The following BACH2 variants were observed in gnomAD, a reference collection of about 807,000 sequenced individuals.
The protein encoded by BACH2 is transcription regulator protein BACH2.
Under a neutral mutation model 61.8 loss-of-function variants are expected in BACH2, and 5 were observed. That is an observed-to-expected ratio of 0.08 (90% CI 0.04 to 0.17). The LOEUF (loss-of-function observed/expected upper bound fraction) is 0.17. Ranked by LOEUF, BACH2 falls within the 10% of genes least tolerant of loss-of-function variation. The pLI is 1.00. For synonymous variants in BACH2, 446 were observed against 440.1 expected (o/e 1.01, Z -0.17); for missense variants, 824 against 1,091.1 (o/e 0.76, Z 3.45).
At chr6:89,989,482 C>CGA (rs373636040) in intron 6 of BACH2, among the ~76,000 whole-genome samples, 1 of 151,880 alleles carries the variant, frequency 6.6e-6, no homozygotes, top group South Asian at 2.1e-4. Flanking sequence ...GCATACAGAG[C>CGA]GAGAGAGAGA....
At chr6:90,173,261 AAAC>A (rs1362060014) in intron 4 of BACH2, among the ~76,000 whole-genome samples, 4 of 152,182 alleles carry the variant, frequency 2.6e-5, no homozygotes, top group Non-Finnish European at 5.9e-5. Context: ...GTAATCTGCT[AAAC>A]AACATACATC....
At chr6:90,165,544 T>C (rs1413378494) in intron 4 of BACH2, among the ~76,000 whole-genome samples, 55 of 152,042 alleles carry the variant, frequency 3.6e-4, no homozygotes, top group Admixed American at 2.6e-3. Context: ...CTTCACAGAA[T>C]TGGAAAAAAC....
At position 90,167,179 on chromosome 6, in the gene BACH2, T is replaced by C. The variant is rs145556287; in HGVS notation, c.-162+39390A>G. On this transcript the variant is annotated intron_variant, in intron 4 of 8. Transcript: ENST00000257749. ...TGATGTCAACTCCTATTTGTATCATTTGCCTCTTCCTCACAGAGGTAGAGT... is the reference window on the plus strand; with the variant it reads ...TGATGTCAACTCCTATTTGTATCATCTGCCTCTTCCTCACAGAGGTAGAGT... Among the ~76,000 whole-genome samples the C allele has an allele frequency of 2.8e-3, 430 of 152,300 alleles. 2 individuals carry two copies. Among genetic ancestry groups the C allele is most frequent in the Non-Finnish European group, 4.6e-3 (313 of 68,026 alleles).
intron 5 of BACH2, among the ~76,000 whole-genome samples, chr6:90,020,695 C>T (rs928234627): frequency 5.9e-5 from 9 of 152,158 alleles, no homozygotes; most frequent in African/African-American, 2.2e-4. Context: ...CTGCTTTTGA[C>T]TGGCCAATGC....
Position 90,090,220 on chromosome 6 carries a change from T to A in BACH2, c.-161-1111A>T, listed in dbSNP as rs960221231. Among the ~76,000 whole-genome samples the A allele has an allele frequency of 3.3e-5, 5 of 152,290 alleles. No individual in the cohort carries two copies. The East Asian group carries it at 9.7e-4, about 29-fold the overall frequency. On this transcript the variant is annotated intron_variant, in intron 4 of 8. Coordinates refer to ENST00000257749, the MANE Select transcript of BACH2 (RefSeq NM_021813.4). ...GTGTATTATACCCCATAGAAATACA[T>A]CTTATGTATTTATTTCCCTCATTTT...
intron 4 of BACH2, among the ~76,000 whole-genome samples, chr6:90,096,142 T>C (rs185291328): frequency 2.0e-4 from 31 of 152,360 alleles, no homozygotes; most frequent in Non-Finnish European, 4.1e-4. Flanking sequence ...TAACTATTTG[T>C]ATGAAGAGTT....
At chr6:90,245,450 C>A (rs1386092272) in intron 3 of BACH2, among the ~76,000 whole-genome samples, 5 of 152,084 alleles carry the variant, frequency 3.3e-5, no homozygotes, top group African/African-American at 1.2e-4. Context: ...AAAAAATTAT[C>A]CAGGTGTTGT....
chr6:89,956,403 G>C (rs1447060336), intron 6 of BACH2, among the ~76,000 whole-genome samples: 1 of 152,150 alleles, frequency 6.6e-6, no homozygotes, highest in East Asian at 1.9e-4. Context: ...GTTCAACCCT[G>C]AAAGAAATAA....
chr6:90,068,508 C>T (rs1419336624), intron 5 of BACH2, among the ~76,000 whole-genome samples: 2 of 152,162 alleles, frequency 1.3e-5, no homozygotes, highest in Non-Finnish European at 2.9e-5. Context: ...CCCATGGAGA[C>T]GCTGAGGCCC....
intron 2 of BACH2, among the ~76,000 whole-genome samples, chr6:90,265,691 A>T (rs1359669715): frequency 6.6e-6 from 1 of 152,182 alleles, no homozygotes. Context: ...ACTGCAAGGT[A>T]AGGTACCTTT....
intron 1 of BACH2, among the ~76,000 whole-genome samples, 160 bp downstream of exon 1, chr6:90,296,320 C>T (rs1304607838): frequency 3.3e-5 from 5 of 151,434 alleles, no homozygotes; most frequent in Non-Finnish European, 5.9e-5. Flanking sequence ...TAAAAGCGGG[C>T]AGGGCGCGGG....
chr6:90,075,395 C>G (rs989715136), intron 5 of BACH2, among the ~76,000 whole-genome samples: 1 of 152,120 alleles, frequency 6.6e-6, no homozygotes, highest in African/African-American at 2.4e-5. Context: ...GAATCATAAA[C>G]TAAAAGCGTT....
chr6:90,224,839 C>T (rs1271528660), intron 3 of BACH2, among the ~76,000 whole-genome samples: 1 of 152,178 alleles, frequency 6.6e-6, no homozygotes, highest in African/African-American at 2.4e-5. Context: ...CATTCCCAAA[C>T]TTCAGCCCAG....
chr6:90,148,726 A>G (rs1248693208), intron 4 of BACH2, among the ~76,000 whole-genome samples: 1 of 152,238 alleles, frequency 6.6e-6, no homozygotes, highest in Non-Finnish European at 1.5e-5. Flanking sequence ...ACCTACAGTC[A>G]GGACTGTAAG....
At chr6:90,141,039 G>A (rs765991336) in intron 4 of BACH2, among the ~76,000 whole-genome samples, 8 of 152,144 alleles carry the variant, frequency 5.3e-5, no homozygotes, top group African/African-American at 2.4e-5. Flanking sequence ...ATAGATGCTA[G>A]TCCACAAATT....
At chr6:89,991,135 C>G (rs1562351033) in intron 6 of BACH2, among the ~76,000 whole-genome samples, 1 of 152,238 alleles carries the variant, frequency 6.6e-6, no homozygotes, top group East Asian at 1.9e-4. Flanking sequence ...AGAACTCCAA[C>G]TTACTCTGTC....
At chr6:90,092,450 G>A (rs1782210397) in intron 4 of BACH2, among the ~76,000 whole-genome samples, 1 of 151,694 alleles carries the variant, frequency 6.6e-6, no homozygotes, top group Non-Finnish European at 1.5e-5. Context: ...TTACAAAAGA[G>A]TTTATAGTTT....
chr6:90,249,175 G>A (rs1770728334), intron 3 of BACH2, among the ~76,000 whole-genome samples: 1 of 152,130 alleles, frequency 6.6e-6, no homozygotes, highest in South Asian at 2.1e-4. Context: ...CCACAATTTG[G>A]AAGATGAGTG....
chr6:90,107,207 A>G (rs1782959938), intron 4 of BACH2, among the ~76,000 whole-genome samples: 1 of 152,078 alleles, frequency 6.6e-6, no homozygotes, highest in Admixed American at 6.5e-5. Context: ...CCCCGTCTCT[A>G]CTAAAAATAC....
Sources: allele counts gnomAD v4.1 joint callset (sites outside exome capture counted in the v4.1 genomes callset), GRCh38; gene constraint gnomAD v4.1.1; transcripts MANE v1.5; gene names NCBI Gene and HGNC (gene_info 2026-07-23, HGNC 2026-07-21).